Variants in FAM120B observed in about 807,000 individuals in gnomAD.
The protein encoded by FAM120B is family with sequence similarity 120 member B.
In FAM120B, 83 loss-of-function variants were observed where a neutral mutation model predicts 96.3. The observed-to-expected ratio is 0.86, with a 90% confidence interval of 0.72 to 1.03. FAM120B has a LOEUF of 1.03. FAM120B is among the 50% of genes least tolerant of loss of function. The pLI, the probability that FAM120B is intolerant of heterozygous loss-of-function variation, is 0.00. For missense variants in FAM120B, 1,027 were observed against 1,121.2 expected (o/e 0.92, Z 1.20); for synonymous variants, 407 against 402.7 (o/e 1.01, Z -0.13).
chr6:170,391,612 C>T lies in FAM120B; in HGVS notation c.2599+491C>T, dbSNP rs943817440. Among the ~76,000 whole-genome samples, 5 of 152,122 alleles carry T rather than the reference C, an allele frequency of 3.3e-5. No homozygotes were observed. In the East Asian group the frequency reaches 5.8e-4, roughly 18 times the overall value. On this transcript the variant is annotated intron_variant, in intron 8 of 10. Coordinates refer to ENST00000476287, the MANE Select transcript of FAM120B (RefSeq NM_032448.3). The stretch of plus-strand genomic sequence containing the variant: ...GCAGGAAAATTTCTCAGAAAGGATT[C>T]GCTCATTAATTAAATAATGAAGAAC...
rs113510264 is a variant in FAM120B at position 170,310,417 on chromosome 6, C to T, written c.-22+3575C>T. On this transcript the variant is annotated intron_variant, in intron 1 of 10. Coordinates refer to ENST00000476287, the MANE Select transcript of FAM120B (RefSeq NM_032448.3). ...CACAGGGTGGCTCTGTGGTGAGGCC[C>T]TTGCCCCACTGGCAGCACACAGCAA... is the stretch of plus-strand genomic sequence containing the variant. 6.1e-3 allele frequency among the ~76,000 whole-genome samples: 936 copies of T among 152,320 alleles called. 13 individuals are homozygous for T. Among genetic ancestry groups the T allele is most frequent in the African/African-American group, 0.021 (858 of 41,564 alleles).
chr6:170,338,618 G>T (rs148337890), intron 4 of FAM120B, among the ~76,000 whole-genome samples: 176 of 152,144 alleles, frequency 1.2e-3, no homozygotes, highest in African/African-American at 4.1e-3. Flanking sequence ...TTGACAATGG[G>T]GTGTTAAAGT....
chr6:170,347,997 A>G (rs903927780), intron 4 of FAM120B, among the ~76,000 whole-genome samples, 154 bp from the exon 5 acceptor site: 10 of 152,194 alleles, frequency 6.6e-5, no homozygotes, highest in Admixed American at 1.3e-4. Flanking sequence ...TGGGCTTTTT[A>G]AAGAAAATCA....
chr6:170,295,196 C>A (rs1783968095), upstream of FAM120B: 1 of 510,532 alleles, frequency 2.0e-6, no homozygotes, highest in Non-Finnish European at 3.5e-6. The surrounding 1 kb of genome is among the most constrained non-coding windows in gnomAD (Gnocchi z 7.8). Flanking sequence ...TACTTCCTTG[C>A]TGCTTACTTC....
intron 6 of FAM120B, among the ~76,000 whole-genome samples, chr6:170,386,691 G>T (rs563542647): frequency 6.6e-6 from 1 of 152,340 alleles, no homozygotes; most frequent in South Asian, 2.1e-4. Flanking sequence ...ACCAGCAGCT[G>T]TGCTACGCCC....
intron 6 of FAM120B, among the ~76,000 whole-genome samples, chr6:170,379,805 G>T (rs1169801215): frequency 1.3e-5 from 2 of 152,098 alleles, no homozygotes; most frequent in African/African-American, 4.8e-5. Flanking sequence ...AAGAGATTTT[G>T]TTTGTTTGTT....
intron 5 of FAM120B, among the ~76,000 whole-genome samples, chr6:170,355,436 G>A (rs1411165342): frequency 1.3e-5 from 2 of 152,148 alleles, no homozygotes; most frequent in Non-Finnish European, 2.9e-5. Context: ...TGGAGTTGGA[G>A]GTCATTATCC....
intron 6 of FAM120B, among the ~76,000 whole-genome samples, chr6:170,361,227 T>C (rs1255703403): frequency 4.1e-5 from 5 of 122,636 alleles, no homozygotes; most frequent in Admixed American, 1.8e-4. Flanking sequence ...TATATATATA[T>C]ATATATATAC....
rs1220703316 is a variant in FAM120B, at chr6:170,317,755, A to C, written c.365A>C (p.His122Pro). Residue 122 changes from histidine to proline, a missense_variant, in exon 2 of 11, where the codon CAC (histidine) becomes CCC (proline). Physicochemically the swap from His to Pro is moderately conservative, Grantham distance 77 (BLOSUM62 -2). Around this residue, in one of 3 missense-constraint regions of FAM120B, gnomAD observed 880 missense variants for 980.9 expected, o/e 0.90. Transcript: ENST00000476287. ...AGGATTTTTCATTACATCAAGTCACACAAGGAGCAGCCAGGCAGAAATATG... is the reference window on the plus strand; with the variant it reads ...AGGATTTTTCATTACATCAAGTCACCCAAGGAGCAGCCAGGCAGAAATATG... The part of the protein sequence containing the change: ...ISRIFHYIKS[H>P]KEQPGRNMFF... 2 of 1,614,208 alleles carry C rather than the reference A, an allele frequency of 1.2e-6. No homozygotes were observed. Among genetic ancestry groups the C allele is most frequent in the Non-Finnish European group, 1.7e-6 (2 of 1,180,008 alleles).
At chr6:170,387,416 G>A (rs1024498313) in intron 6 of FAM120B, among the ~76,000 whole-genome samples, 4 of 152,134 alleles carry the variant, frequency 2.6e-5, no homozygotes, top group Non-Finnish European at 5.9e-5. Context: ...AGATAAGCCA[G>A]ACAATGACGG....
chr6:170,375,771 C>T (rs1441436805), intron 6 of FAM120B, among the ~76,000 whole-genome samples: 7 of 152,044 alleles, frequency 4.6e-5, no homozygotes, highest in Non-Finnish European at 7.4e-5. Context: ...GCACAGGGCA[C>T]GGCGGGATGC....
Position 170,358,330 on chromosome 6 carries a change from A to T in FAM120B, c.2283+12A>T. On this transcript the variant is annotated intron_variant, in intron 6 of 10. Transcript: ENST00000476287. ...TTGTAAATCTACAGGTACAGACGTG[A>T]CCAGTTAGTTGTCACTGCCCGGAAG... The T allele has an allele frequency of 6.3e-7, 1 of 1,578,668 alleles. No individual in the cohort carries two copies.
intron 9 of FAM120B, among the ~76,000 whole-genome samples, chr6:170,399,961 A>G (rs1233974232): frequency 9.0e-6 from 1 of 111,572 alleles, no homozygotes. Context: ...AGGTAGAACT[A>G]TGTCATAACT....
At chr6:170,320,369 G>A (rs1272139220) in intron 2 of FAM120B, among the ~76,000 whole-genome samples, 1 of 152,036 alleles carries the variant, frequency 6.6e-6, no homozygotes, top group Non-Finnish European at 1.5e-5. Context: ...TCAGATTTTT[G>A]GTTTTTGAAA....
At chr6:170,398,014 C>A (rs1778279371) in intron 9 of FAM120B, among the ~76,000 whole-genome samples, 1 of 152,198 alleles carries the variant, frequency 6.6e-6, no homozygotes, top group African/African-American at 2.4e-5. Flanking sequence ...CCCCCTGGGC[C>A]TCAGGAAGGT....
At chr6:170,341,697 A>G (rs1786844070) in intron 4 of FAM120B, among the ~76,000 whole-genome samples, 3 of 152,164 alleles carry the variant, frequency 2.0e-5, no homozygotes, top group Admixed American at 2.0e-4. Context: ...TGGGCTGGAT[A>G]GCACCATCCC....
intron 6 of FAM120B, among the ~76,000 whole-genome samples, chr6:170,383,889 C>T (rs773079684): frequency 5.3e-5 from 8 of 152,218 alleles, no homozygotes; most frequent in Middle Eastern, 6.8e-3. Context: ...TTTAAATGGA[C>T]GAATGTTTAA....
chr6:170,392,102 AAATAT>A (rs1790510401), intron 8 of FAM120B, among the ~76,000 whole-genome samples: 2 of 152,346 alleles, frequency 1.3e-5, no homozygotes, highest in South Asian at 4.1e-4. Context: ...TCATAGATTG[AAATAT>A]AATCAATTTT....
intron 2 of FAM120B, among the ~76,000 whole-genome samples, chr6:170,320,214 G>C (rs555526909): frequency 6.6e-6 from 1 of 152,178 alleles, no homozygotes; most frequent in Non-Finnish European, 1.5e-5. Flanking sequence ...ACATAGATCT[G>C]TAAGGAAGCT....
Sources: allele counts gnomAD v4.1 joint callset (sites outside exome capture counted in the v4.1 genomes callset), GRCh38; gene constraint gnomAD v4.1.1; regional missense constraint gnomAD v4.1.1; non-coding constraint Gnocchi (gnomAD v3.1); transcripts MANE v1.5; gene names NCBI Gene and HGNC (gene_info 2026-07-23, HGNC 2026-07-21).